Variants in ABCF1 observed in about 807,000 individuals in gnomAD.
ABCF1 encodes ATP binding cassette subfamily F member 1, also known as ATP-binding cassette sub-family F member 1.
A neutral mutation model predicts 126.3 loss-of-function variants in ABCF1; 73 were observed. The observed-to-expected ratio is 0.58, with a 90% CI of 0.48 to 0.70. ABCF1 has a LOEUF of 0.70. Ranked by LOEUF, ABCF1 falls within the 30% of genes least tolerant of loss-of-function variation. The pLI is 0.00. For missense variants in ABCF1, 786 were observed against 1,057.5 expected, an observed-to-expected ratio of 0.74 and a Z score of 3.56; for synonymous variants, 345 against 396.4, an observed-to-expected ratio of 0.87 and a Z score of 1.54.
At chr6:30,585,225 C>G (rs1346301665) in intron 14 of ABCF1, 35 bp from the exon 15 acceptor site, 17 of 1,581,080 alleles carry the variant, frequency 1.1e-5, no homozygotes, top group African/African-American at 2.7e-5. Context: ...GGATCTTTCT[C>G]TCCCTGACCC....
At position 30,584,725 on chromosome 6, in the gene ABCF1, A is replaced by C. The variant is rs1264439; in HGVS notation, c.1391+159A>C. 0.74 allele frequency among the ~76,000 whole-genome samples: 113,031 copies of C among 151,948 alleles called. 42,492 individuals are homozygous for C. Among genetic ancestry groups the C allele is most frequent in the South Asian group, 0.89 (4,272 of 4,822 alleles). On this transcript the variant is annotated intron_variant, in intron 14 of 24. Coordinates refer to ENST00000326195, the MANE Select transcript of ABCF1 (RefSeq NM_001025091.2). This position sits in a 1 kb window ranked among gnomAD's most constrained non-coding sequence, Gnocchi z 4.6. ...GAGAACTTAGGGTCTTTCTCTATTTATCTCCCTACTTGGTGGTGAGTTCTC... is the reference window on the plus strand; with the variant it reads ...GAGAACTTAGGGTCTTTCTCTATTTCTCTCCCTACTTGGTGGTGAGTTCTC...
At position 30,582,407 on chromosome 6, in the gene ABCF1, AAGG is replaced by A. The variant is rs1158575381; in HGVS notation, c.695_697del (p.Gly232del). On this transcript the variant is annotated inframe_deletion, in exon 9 of 25. Transcript: ENST00000326195. ...GGGTTCTCACAGGGTTCAGAGGAAG[AAGG>A]AGAAGGGGAAGAAGAGGAGGAGGAA... 4 of 1,604,058 alleles carry A rather than the reference AAGG, an allele frequency of 2.5e-6. No individual in the cohort carries two copies. The highest frequency in any genetic ancestry group is 3.4e-6 in the Non-Finnish European group (4 of 1,172,364).
rs369940619 is a variant in ABCF1, at chr6:30,574,526, T to C, written c.74-2883T>C. 1.6e-4 allele frequency among the ~76,000 whole-genome samples: 25 copies of C among 152,288 alleles called. 3 individuals carry two copies. Among genetic ancestry groups the C allele is most frequent in the East Asian group, 1.2e-3 (6 of 5,184 alleles). ...TCTGGGATGAGTCAGTCATCTGTGT[T>C]GATAAGGTGAGCTGATCAGGTTTTT... On this transcript the variant is annotated intron_variant, in intron 1 of 24. Transcript: ENST00000326195. This position sits in a 1 kb window ranked among gnomAD's most constrained non-coding sequence, Gnocchi z 4.3.
rs375928532 is a variant in ABCF1, at chr6:30,589,565, T to C, written c.2032-123T>C. On this transcript the variant is annotated intron_variant, in intron 20 of 24. Transcript: ENST00000326195. The stretch of plus-strand genomic sequence containing the variant: ...TTGCAGTGAGCCGAGATCGCGCCAC[T>C]GCACTCCAGCCTGGGGGACAGAGCG... The C allele has an allele frequency of 1.9e-3, 2,188 of 1,153,618 alleles. 74 individuals carry two copies. In the South Asian group the frequency reaches 0.028, roughly 15 times the overall value. The allele number at this position is 1,153,618 out of a possible 1,614,324, so 71.5% of individuals were successfully genotyped here. A position where few individuals can be genotyped will look rare whatever the true frequency, so the allele number is the denominator to read the frequency against.
intron 20 of ABCF1, 32 bp from the exon 21 acceptor site, chr6:30,589,656 C>T (rs1802334762): frequency 6.2e-7 from 1 of 1,612,888 alleles, no homozygotes; most frequent in South Asian, 1.1e-5. Context: ...TTTCCCTTGC[C>T]CTCCTCTTAA....
Position 30,583,366 on chromosome 6 carries a change from TG to T in ABCF1, c.915+182del, listed in dbSNP as rs373240792. Among the ~76,000 whole-genome samples the T allele has an allele frequency of 3.1e-4, 47 of 152,252 alleles. 1 individual carries two copies. In the South Asian group the frequency reaches 6.4e-3, roughly 21 times the overall value. Reference sequence around the variant, plus strand: ...AAGAAGATAGAAAAACCAGTAGAAGTGGGGTCCACCCTTGGCAGAAAATAGT... The same window carrying T: ...AAGAAGATAGAAAAACCAGTAGAAGTGGGTCCACCCTTGGCAGAAAATAGT... On this transcript the variant is annotated intron_variant, in intron 10 of 24. Coordinates refer to ENST00000326195, the MANE Select transcript of ABCF1 (RefSeq NM_001025091.2). The surrounding 1 kb of genome is among the most constrained non-coding windows in gnomAD (Gnocchi z 4.1).
Position 30,590,969 on chromosome 6 carries a change from T to TA in ABCF1, c.*269dup. ...CTAAACAAACAAGAGGTGACCACCT[T>TA]ATTGTGAGGTTCCATCCAGCCAAGT... is the stretch of plus-strand genomic sequence containing the variant. On this transcript the variant is annotated 3_prime_UTR_variant, in exon 25 of 25. Transcript: ENST00000326195. The TA allele has an allele frequency of 4.8e-6, 2 of 412,804 alleles. No individual in the cohort carries two copies. Among genetic ancestry groups the TA allele is most frequent in the Non-Finnish European group, 8.5e-6 (2 of 235,176 alleles). The allele number at this position is 412,804 out of a possible 1,614,324, so 25.6% of individuals were successfully genotyped here. A position where few individuals can be genotyped will look rare whatever the true frequency, so the allele number is the denominator to read the frequency against.
chr6:30,588,595 AT>A (rs1802277612), intron 20 of ABCF1, among the ~76,000 whole-genome samples: 1 of 151,400 alleles, frequency 6.6e-6, no homozygotes. Flanking sequence ...TCCTGACCTC[AT>A]GATCTGCCTG....
intron 9 of ABCF1, 124 bp from the exon 10 acceptor site, chr6:30,582,942 C>T: frequency 1.6e-6 from 2 of 1,289,508 alleles, no homozygotes; most frequent in Non-Finnish European, 2.1e-6. Flanking sequence ...ATCCACCTAC[C>T]TCAGCCTCCC....
intron 1 of ABCF1, among the ~76,000 whole-genome samples, chr6:30,576,276 C>CT (rs9256927): frequency 0.015 from 655 of 44,116 alleles, 221 homozygotes; most frequent in African/African-American, 0.024. Flanking sequence ...TCTGAGTGCT[C>CT]TTTTTTTTTT....
chr6:30,577,140 C>T (rs1020600054), intron 1 of ABCF1, among the ~76,000 whole-genome samples: 4 of 152,150 alleles, frequency 2.6e-5, no homozygotes, highest in Non-Finnish European at 4.4e-5. Flanking sequence ...CAGAGGAGAC[C>T]ACATTTGTCT....
chr6:30,577,844 T>C lies in ABCF1; in HGVS notation c.147T>C (p.Asp49=). The C allele has an allele frequency of 6.2e-7, 1 of 1,613,778 alleles. No homozygotes were observed. Among genetic ancestry groups the C allele is most frequent in the Middle Eastern group, 1.6e-4 (1 of 6,062 alleles). The stretch of plus-strand genomic sequence containing the variant: ...TCTTTGAAGAGCTGGCAGTAGAAGA[T>C]AAACAGGCTGGGGAAGAAGAGAAAG... The part of the protein sequence containing the change: ...KTFFEELAVE[D]KQAGEEEKVL... Residue 49 remains aspartate, a synonymous_variant, in exon 3 of 25, where the codon GAT becomes GAC. Coordinates refer to ENST00000326195, the MANE Select transcript of ABCF1 (RefSeq NM_001025091.2).
chr6:30,582,626 G>A, intron 9 of ABCF1, 119 bp downstream of exon 9: 1 of 1,040,992 alleles, frequency 9.6e-7, no homozygotes, highest in African/African-American at 1.6e-5. Context: ...AACAATCGGA[G>A]TAAGAAAATA....
chr6:30,585,852 G>A, intron 16 of ABCF1, 27 bp from the exon 17 acceptor site: 11 of 1,581,402 alleles, frequency 7.0e-6, no homozygotes, highest in Non-Finnish European at 9.5e-6. Flanking sequence ...AGCAACCACT[G>A]ATGCCTGGTC....
At chr6:30,578,999 C>CA (rs899905808) in intron 6 of ABCF1, among the ~76,000 whole-genome samples, 163 of 144,622 alleles carry the variant, frequency 1.1e-3, no homozygotes, top group East Asian at 1.8e-3. Context: ...GACTCAGTCT[C>CA]AAAAAAAAAA....
intron 3 of ABCF1, 72 bp downstream of exon 3, chr6:30,577,985 G>T: frequency 1.2e-6 from 2 of 1,613,304 alleles, no homozygotes; most frequent in South Asian, 1.1e-5. Context: ...AGCCCATGTT[G>T]CTCCATTCAG....
Position 30,574,707 on chromosome 6 carries a change from T to C in ABCF1, c.74-2702T>C, listed in dbSNP as rs1374694184. Among the ~76,000 whole-genome samples, 2 of 152,160 alleles carry C rather than the reference T, an allele frequency of 1.3e-5. No homozygotes were observed. The highest frequency in any genetic ancestry group is 2.4e-5 in the African/African-American group (1 of 41,430). On this transcript the variant is annotated intron_variant, in intron 1 of 24. Transcript: ENST00000326195. This position sits in a 1 kb window ranked among gnomAD's most constrained non-coding sequence, Gnocchi z 4.3. ...GGCTCAGATTTTTTTTCTTTAACTT[T>C]TTTGTTTGTTTTTTGTGGTTTGTTT...
chr6:30,585,177 G>C (rs1020342441), intron 14 of ABCF1, 83 bp from the exon 15 acceptor site: 2 of 1,224,642 alleles, frequency 1.6e-6, no homozygotes, highest in Non-Finnish European at 2.4e-6. Flanking sequence ...ATGGTCTCAG[G>C]CTCTATCTCC....
chr6:30,578,536 C>A lies in ABCF1; in HGVS notation c.448C>A (p.Pro150Thr). ...GGAAGAGGAGGAGGAAGAAAAACAT[C>A]CTCCTAAGCCTGCCAAGCCGGAGAA... ...SEEEEEEEKH[P>T]PKPAKPEKNR... The change falls in exon 6 of 25, where the codon CCT (proline) becomes ACT (threonine). Residue 150 changes from proline (P) to threonine (T), a missense_variant. Coordinates refer to ENST00000326195, the MANE Select transcript of ABCF1 (RefSeq NM_001025091.2). 2 of 1,613,808 alleles carry A rather than the reference C, an allele frequency of 1.2e-6. No individual in the cohort carries two copies. The highest frequency in any genetic ancestry group is 8.5e-7 in the Non-Finnish European group (1 of 1,179,950).
Sources: allele counts gnomAD v4.1 joint callset (sites outside exome capture counted in the v4.1 genomes callset), GRCh38; gene constraint gnomAD v4.1.1; non-coding constraint Gnocchi (gnomAD v3.1); transcripts MANE v1.5; gene names NCBI Gene and HGNC (gene_info 2026-07-23, HGNC 2026-07-21).